The following RERE variants were observed in gnomAD, a reference collection of about 807,000 sequenced individuals.
The protein encoded by RERE is arginine-glutamic acid dipeptide repeats.
Under a neutral mutation model 146.1 loss-of-function variants are expected in RERE, and 40 were observed. The observed-to-expected ratio is 0.27, with a 90% CI of 0.21 to 0.36. The LOEUF (loss-of-function observed/expected upper bound fraction) is 0.36. RERE is among the 10% of genes least tolerant of loss of function. The pLI, the probability that RERE is intolerant of heterozygous loss-of-function variation, is 1.00. For synonymous variants in RERE, 1,003 were observed against 866.0 expected (o/e 1.16, Z -2.78); for missense variants, 1,933 against 2,138.7 (o/e 0.90, Z 1.90).
At chr1:8,790,552 A>G (rs1188738518) in intron 1 of RERE, among the ~76,000 whole-genome samples, 1 of 152,234 alleles carries the variant, frequency 6.6e-6, no homozygotes, top group Non-Finnish European at 1.5e-5. Context: ...AATCCTTCAT[A>G]TAGAAATAAA....
In RERE at chr1:8,360,778, T is replaced by C; in HGVS notation, c.2729A>G (p.Gln910Arg). 2 of 1,594,478 alleles carry C rather than the reference T, an allele frequency of 1.3e-6. No individual in the cohort carries two copies. The highest frequency in any genetic ancestry group is 1.7e-6 in the Non-Finnish European group (2 of 1,175,332). Reference protein sequence around the residue: ...LPASQSALQSQQPPREQPLPP... With the variant: ...LPASQSALQSRQPPREQPLPP... ...CAGGGGCTGCTCCCGTGGAGGCTGT[T>C]GGGACTGCAGCGCTGACTGAGAGGC... The change falls in exon 18 of 23, where the codon CAA becomes CGA. Residue 910 changes from glutamine (Q) to arginine (R), a missense_variant. Transcript: ENST00000400908.
intron 1 of RERE, among the ~76,000 whole-genome samples, chr1:8,663,277 A>G (rs1437603769): frequency 6.6e-6 from 1 of 152,174 alleles, no homozygotes; most frequent in Non-Finnish European, 1.5e-5. Context: ...TCCATTGCTC[A>G]AGCCAGGCTA....
At chr1:8,680,230 G>GA (rs59051801) in intron 1 of RERE, among the ~76,000 whole-genome samples, 468 of 150,748 alleles carry the variant, frequency 3.1e-3, no homozygotes, top group Non-Finnish European at 2.9e-3. Flanking sequence ...TTCACTAAAA[G>GA]AAAAAAAAAT....
At position 8,360,350 on chromosome 1, in the gene RERE, G is replaced by C; in HGVS notation, c.3157C>G (p.Pro1053Ala). ...GPPPITPPTC[P>A]STSTPPAGPG... ...CCCGCCGGTGGGGTAGAGGTGGAGG[G>C]GCAGGTCGGAGGGGTGATGGGAGGA... Residue 1053 changes from proline to alanine, a missense_variant, in exon 18 of 23, where the codon CCC becomes GCC. Coordinates refer to ENST00000400908, the MANE Select transcript of RERE (RefSeq NM_001042681.2). 6.7e-7 allele frequency: 1 copy of C among 1,500,628 alleles called. No homozygotes were observed. Among genetic ancestry groups the C allele is most frequent in the Non-Finnish European group, 8.9e-7 (1 of 1,122,118 alleles). The allele number at this position is 1,500,628 out of a possible 1,614,324, so 93.0% of individuals were successfully genotyped here. A position where few individuals can be genotyped will look rare whatever the true frequency, so the allele number is the denominator to read the frequency against.
intron 8 of RERE, among the ~76,000 whole-genome samples, chr1:8,501,663 T>TGG (rs1414286852): frequency 1.1e-5 from 1 of 94,136 alleles, no homozygotes; most frequent in Admixed American, 1.1e-4. Flanking sequence ...GGGAGGGAGG[T>TGG]GGGGGGTCAG....
chr1:8,789,301 A>AAAAAAAAAAAAAATATATATATATAT, intron 1 of RERE, among the ~76,000 whole-genome samples: 2 of 24,810 alleles, frequency 8.1e-5, no homozygotes, highest in African/African-American at 2.3e-4. Flanking sequence ...AAAAAAAAAA[A>AAAAAAAAAAAAAATATATATATATAT]ATATATATAT....
Position 8,430,031 on chromosome 1 carries a change from C to T in RERE, c.1204-7224G>A, listed in dbSNP as rs576200051. 5.9e-5 allele frequency: 9 copies of T among 152,316 alleles called. No individual in the cohort carries two copies. The East Asian group carries it at 1.4e-3, about 23-fold the overall frequency. 9.4% of individuals were successfully genotyped at this position (152,316 alleles called of 1,614,324 possible). On this transcript the variant is annotated intron_variant, in intron 11 of 22. Transcript: ENST00000400908. ...GATGCCAGGCAGAAGAAATAAAAGC[C>T]TTTCCAAACATTTGTATTACATGAT...
At chr1:8,513,715 G>A (rs1645373130) in intron 7 of RERE, among the ~76,000 whole-genome samples, 1 of 152,228 alleles carries the variant, frequency 6.6e-6, no homozygotes, top group African/African-American at 2.4e-5. Context: ...GGGAGGCAGA[G>A]GTTGCAGTGA....
At chr1:8,761,401 C>A (rs1317652247) in intron 1 of RERE, among the ~76,000 whole-genome samples, 1 of 152,192 alleles carries the variant, frequency 6.6e-6, no homozygotes, top group Non-Finnish European at 1.5e-5. Flanking sequence ...TCACTCATCT[C>A]AATAAAAAGC....
chr1:8,376,725 G>A (rs1642271280), intron 12 of RERE, among the ~76,000 whole-genome samples: 1 of 152,256 alleles, frequency 6.6e-6, no homozygotes. Context: ...AGATAAGGTA[G>A]AGTCCCTAAA....
intron 7 of RERE, among the ~76,000 whole-genome samples, chr1:8,512,191 G>A (rs1465937509): frequency 1.4e-5 from 2 of 147,508 alleles, no homozygotes; most frequent in South Asian, 2.2e-4. Context: ...CCGCCACCGC[G>A]CCCGGCTAAT....
At chr1:8,524,166 T>C (rs952948487) in intron 7 of RERE, among the ~76,000 whole-genome samples, 18 of 152,062 alleles carry the variant, frequency 1.2e-4, no homozygotes, top group Admixed American at 7.2e-4. Flanking sequence ...TGGTATGGGG[T>C]ACCTCCCCAA....
At chr1:8,677,854 G>A (rs1051303804) in intron 1 of RERE, among the ~76,000 whole-genome samples, 2 of 152,190 alleles carry the variant, frequency 1.3e-5, no homozygotes, top group Non-Finnish European at 2.9e-5. Context: ...CAACACTGCT[G>A]ATGACAAACC....
chr1:8,543,261 T>C (rs1645820895), intron 6 of RERE, among the ~76,000 whole-genome samples: 1 of 152,228 alleles, frequency 6.6e-6, no homozygotes, highest in Non-Finnish European at 1.5e-5. Context: ...AATGCAGGTA[T>C]GATCTTTTTT....
chr1:8,531,015 A>ATCTATCTG (rs2124367391), intron 7 of RERE, among the ~76,000 whole-genome samples: 1 of 81,726 alleles, frequency 1.2e-5, no homozygotes, highest in Admixed American at 1.2e-4. Flanking sequence ...TTTTCTATCT[A>ATCTATCTG]TCTATCTATC....
Position 8,358,444 on chromosome 1 carries a change from A to T in RERE, c.4091T>A (p.Phe1364Tyr). The change falls in exon 20 of 23, where the codon TTT becomes TAT. Residue 1364 changes from phenylalanine (F) to tyrosine (Y), a missense_variant. Physicochemically the swap from Phe to Tyr is conservative, Grantham distance 22 (BLOSUM62 3). Coordinates refer to ENST00000400908, the MANE Select transcript of RERE (RefSeq NM_001042681.2). The stretch of plus-strand genomic sequence containing the variant: ...GTTCAGGCCCGGGTGGAAAGAAGCA[A>T]AAGGGTGGGGCCCGGCGGTCGGGGG... Reference protein sequence around the residue: ...TIPPTAGPHPFASFHPGLNPL... With the variant: ...TIPPTAGPHPYASFHPGLNPL... The T allele has an allele frequency of 6.3e-7, 1 of 1,592,010 alleles. No homozygotes were observed. Among genetic ancestry groups the T allele is most frequent in the South Asian group, 1.1e-5 (1 of 90,154 alleles).
intron 1 of RERE, among the ~76,000 whole-genome samples, chr1:8,668,986 ACT>A (rs1488776136): frequency 9.2e-5 from 2 of 21,772 alleles, no homozygotes; most frequent in Non-Finnish European, 1.8e-4. Context: ...ACAGGGTCTC[ACT>A]CTGTCTTCTG....
chr1:8,395,966 G>A (rs1052718204), intron 12 of RERE, among the ~76,000 whole-genome samples: 1 of 152,132 alleles, frequency 6.6e-6, no homozygotes, highest in Non-Finnish European at 1.5e-5. Context: ...AGGCATAGGT[G>A]ACACCACCCC....
intron 12 of RERE, among the ~76,000 whole-genome samples, chr1:8,401,035 A>ACATATATATATATATAT (rs1557611589): frequency 3.1e-5 from 1 of 32,768 alleles, no homozygotes; most frequent in African/African-American, 1.0e-4. Flanking sequence ...AAAAAAAAAA[A>ACATATATATATATATAT]ACCATATATA....
Sources: gnomAD v4.1 joint callset for allele counts (sites outside exome capture counted in the v4.1 genomes callset) on GRCh38, gnomAD v4.1.1 for gene constraint, MANE v1.5 for transcripts, NCBI Gene and HGNC (gene_info 2026-07-23, HGNC 2026-07-21) for gene names.